Variants in SLC9A1 observed in about 807,000 individuals in gnomAD.
The protein encoded by SLC9A1 is sodium/hydrogen exchanger 1.
Under a neutral mutation model 67.9 loss-of-function variants are expected in SLC9A1, and 22 were observed. The observed-to-expected ratio is 0.32, with a 90% CI of 0.23 to 0.46. The LOEUF (loss-of-function observed/expected upper bound fraction) is 0.46. SLC9A1 is among the 20% of genes least tolerant of loss of function. The probability of loss-of-function intolerance (pLI) is 1.00; values close to 1 mark genes in which losing one functional copy is unlikely to be tolerated. For missense variants in SLC9A1, 686 were observed against 1,094.8 expected (o/e 0.63, Z 5.27); for synonymous variants, 421 against 471.8 (o/e 0.89, Z 1.40).
Position 27,103,211 on chromosome 1 carries a change from G to A in SLC9A1, c.1575+12C>T, listed in dbSNP as rs369119360. The A allele has an allele frequency of 1.6e-5, 25 of 1,597,816 alleles. No individual in the cohort carries two copies. The highest frequency in any genetic ancestry group is 2.2e-5 in the South Asian group (2 of 90,748). On this transcript the variant is annotated intron_variant, in intron 6 of 11. Coordinates refer to ENST00000263980, the MANE Select transcript of SLC9A1 (RefSeq NM_003047.5). The stretch of plus-strand genomic sequence containing the variant: ...CCTTCTGCAACCAAGGGCCCAGCCC[G>A]CACTCCAGTACCTGTGTGTGGATCT...
At chr1:27,127,445 C>T (rs1009131854) in intron 1 of SLC9A1, among the ~76,000 whole-genome samples, 1 of 152,206 alleles carries the variant, frequency 6.6e-6, no homozygotes, top group Non-Finnish European at 1.5e-5. Context: ...TGAGAGAGGT[C>T]CAGACACAGG....
rs1405327786 is a variant in SLC9A1 at position 27,106,030 on chromosome 1, T to G, written c.1340A>C (p.Lys447Thr). 1 of 1,613,472 alleles carries G rather than the reference T, an allele frequency of 6.2e-7. No homozygotes were observed. Among genetic ancestry groups the G allele is most frequent in the African/African-American group, 1.3e-5 (1 of 74,916 alleles). The change falls in exon 5 of 12, where the codon AAG (lysine) becomes ACG (threonine). Residue 447 changes from lysine to threonine, a missense_variant. By Grantham distance (78) the Lys-to-Thr change is moderately conservative (BLOSUM62 -1). This residue lies in a region of SLC9A1 where 168 missense variants were observed against 375.4 expected (regional missense o/e 0.45). Coordinates refer to ENST00000263980, the MANE Select transcript of SLC9A1 (RefSeq NM_003047.5). This position sits in a 1 kb window ranked among gnomAD's most constrained non-coding sequence, Gnocchi z 4.3. Reference sequence around the variant, plus strand: ...CCCATAGGCGATGATGAACTGGTCCTTGGGGGTCAGCTTCACGATACGGAA... The same window carrying G: ...CCCATAGGCGATGATGAACTGGTCCGTGGGGGTCAGCTTCACGATACGGAA... ...NKFRIVKLTPKDQFIIAYGGL... is the reference protein window; with the variant it reads ...NKFRIVKLTPTDQFIIAYGGL...
chr1:27,150,428 A>G (rs1354262861), intron 1 of SLC9A1, among the ~76,000 whole-genome samples: 1 of 152,204 alleles, frequency 6.6e-6, no homozygotes, highest in Non-Finnish European at 1.5e-5. Context: ...AGGAGATGCC[A>G]GTGGTGAGCT....
chr1:27,135,548 C>G (rs961055894), intron 1 of SLC9A1, among the ~76,000 whole-genome samples: 6 of 106,086 alleles, frequency 5.7e-5, no homozygotes, highest in African/African-American at 2.3e-4. Context: ...AAAAAAAAAT[C>G]TGGAGGGAAA....
Position 27,135,577 on chromosome 1 carries a change from C to T in SLC9A1, c.352+18406G>A, listed in dbSNP as rs77491970. On this transcript the variant is annotated intron_variant, in intron 1 of 11. Transcript: ENST00000263980. Reference sequence around the variant, plus strand: ...AGGGAAAATGTTCTGAGCACCTGCTCTCTGAGTCAAAATTCAGTACTAAAC... The same window carrying T: ...AGGGAAAATGTTCTGAGCACCTGCTTTCTGAGTCAAAATTCAGTACTAAAC... Among the ~76,000 whole-genome samples the T allele has an allele frequency of 3.7e-3, 543 of 146,154 alleles. 4 individuals carry two copies. Among genetic ancestry groups the T allele is most frequent in the African/African-American group, 0.013 (511 of 39,492 alleles).
At chr1:27,105,711 G>T (rs773428438) in intron 5 of SLC9A1, 174 bp downstream of exon 5, 2 of 720,330 alleles carry the variant, frequency 2.8e-6, no homozygotes, top group Middle Eastern at 2.3e-4. Flanking sequence ...CTCACTTTAC[G>T]ATTGAAGAAA....
At chr1:27,145,299 C>G (rs2083478618) in intron 1 of SLC9A1, among the ~76,000 whole-genome samples, 1 of 152,204 alleles carries the variant, frequency 6.6e-6, no homozygotes. Flanking sequence ...TCCGCCCAGC[C>G]CTGGCAGGCT....
In SLC9A1 at chr1:27,118,918, A is replaced by G. The variant is rs565627587; in HGVS notation, c.353-4632T>C. On this transcript the variant is annotated intron_variant, in intron 1 of 11. Transcript: ENST00000263980. The surrounding 1 kb of genome is among the most constrained non-coding windows in gnomAD (Gnocchi z 4.3). ...GAGGCACGAAAGTGTGGAATTCAACATCTCCAAGCACAGCCACAGGCCAAA... is the reference window on the plus strand; with the variant it reads ...GAGGCACGAAAGTGTGGAATTCAACGTCTCCAAGCACAGCCACAGGCCAAA... Among the ~76,000 whole-genome samples the G allele has an allele frequency of 6.6e-6, 1 of 152,196 alleles. No homozygotes were observed. Among genetic ancestry groups the G allele is most frequent in the East Asian group, 1.9e-4 (1 of 5,156 alleles).
Position 27,109,820 on chromosome 1 carries a change from T to G in SLC9A1, c.814-43A>C. On this transcript the variant is annotated intron_variant, in intron 2 of 11. Transcript: ENST00000263980. This position sits in a 1 kb window ranked among gnomAD's most constrained non-coding sequence, Gnocchi z 5.5. ...GCTGGTGGGTGGGAGGAGAGGGCCC[T>G]GGCCCCACGGTTCCCTGGGGTCCAC... 6.2e-7 allele frequency: 1 copy of G among 1,607,974 alleles called. No individual in the cohort carries two copies. The highest frequency in any genetic ancestry group is 2.2e-5 in the East Asian group (1 of 44,844).
In SLC9A1 at chr1:27,106,136, G is replaced by A; in HGVS notation, c.1283-49C>T. On this transcript the variant is annotated intron_variant, in intron 4 of 11. Transcript: ENST00000263980. The surrounding 1 kb of genome is among the most constrained non-coding windows in gnomAD (Gnocchi z 4.3). Reference sequence around the variant, plus strand: ...TGAGGGTCAGGTCGGGCTGTCCCCAGTCCCTCCTGGATTCTGCATCAGTGA... The same window carrying A: ...TGAGGGTCAGGTCGGGCTGTCCCCAATCCCTCCTGGATTCTGCATCAGTGA... 2.5e-6 allele frequency: 3 copies of A among 1,223,028 alleles called. No individual in the cohort carries two copies. The highest frequency in any genetic ancestry group is 3.6e-6 in the Non-Finnish European group (3 of 837,976). 75.8% of individuals were successfully genotyped at this position (1,223,028 alleles called of 1,614,324 possible).
chr1:27,120,512 T>G (rs1296522583), intron 1 of SLC9A1, among the ~76,000 whole-genome samples: 3 of 150,682 alleles, frequency 2.0e-5, no homozygotes, highest in Non-Finnish European at 4.4e-5. Context: ...CCGAGGCGGG[T>G]GGATCACCTG....
Position 27,102,663 on chromosome 1 carries a change from T to G in SLC9A1, c.1646+10A>C. ...CCCCTCCCTGCCTGCCCACCAGGCC[T>G]GCCACCTACTTGTCCTTCCAGTGGT... On this transcript the variant is annotated intron_variant, in intron 7 of 11. Transcript: ENST00000263980. 1 of 1,613,460 alleles carries G rather than the reference T, an allele frequency of 6.2e-7. No individual in the cohort carries two copies. Among genetic ancestry groups the G allele is most frequent in the Non-Finnish European group, 8.5e-7 (1 of 1,179,710 alleles).
intron 1 of SLC9A1, among the ~76,000 whole-genome samples, chr1:27,129,552 G>A (rs953548297): frequency 6.6e-6 from 1 of 152,190 alleles, no homozygotes; most frequent in African/African-American, 2.4e-5. Context: ...TCCTGTGGGA[G>A]AAGAGGGGCA....
chr1:27,154,160 C>T lies in SLC9A1; in HGVS notation c.175G>A (p.Asp59Asn), dbSNP rs1570893548. 1 of 1,614,100 alleles carries T rather than the reference C, an allele frequency of 6.2e-7. No homozygotes were observed. Among genetic ancestry groups the T allele is most frequent in the East Asian group, 2.2e-5 (1 of 44,880 alleles). ...SEPPRERSIGDVTTAPPEVTP... is the reference protein window; with the variant it reads ...SEPPRERSIGNVTTAPPEVTP... ...ACCTCCGGTGGAGCGGTGGTGACATCCCCAATCGAGCGTTCTCGTGGTGGC... is the reference window on the plus strand; with the variant it reads ...ACCTCCGGTGGAGCGGTGGTGACATTCCCAATCGAGCGTTCTCGTGGTGGC... Residue 59 changes from aspartate (D) to asparagine (N), a missense_variant, in exon 1 of 12, where the codon GAT becomes AAT. By Grantham distance (23) the Asp-to-Asn change is conservative. Around this residue, in one of 7 missense-constraint regions of SLC9A1, gnomAD observed 143 missense variants for 166.7 expected, o/e 0.86. Transcript: ENST00000263980.
intron 1 of SLC9A1, among the ~76,000 whole-genome samples, chr1:27,126,390 A>G (rs895514195): frequency 2.2e-4 from 34 of 152,312 alleles, no homozygotes; most frequent in Middle Eastern, 3.4e-3. Context: ...TGAGGATTAC[A>G]TGAGACCACA....
At chr1:27,104,360 G>T (rs1412023032) in intron 5 of SLC9A1, among the ~76,000 whole-genome samples, 2 of 152,046 alleles carry the variant, frequency 1.3e-5, no homozygotes, top group African/African-American at 2.4e-5. Context: ...GGGATTACAG[G>T]CATGAGCCAC....
chr1:27,119,627 C>T (rs567857156), intron 1 of SLC9A1, among the ~76,000 whole-genome samples: 1 of 152,346 alleles, frequency 6.6e-6, no homozygotes, highest in East Asian at 1.9e-4. Flanking sequence ...TGGGAAGTCA[C>T]AATTACCATC....
chr1:27,101,620 G>A lies in SLC9A1; in HGVS notation c.2037+105C>T, dbSNP rs1021912745. 1.1e-5 allele frequency: 9 copies of A among 847,576 alleles called. No individual in the cohort carries two copies. The highest frequency in any genetic ancestry group is 5.3e-5 in the East Asian group (2 of 37,726). 52.5% of individuals were successfully genotyped at this position (847,576 alleles called of 1,614,324 possible). ...GCCCTTACACTGCTAAAAGCCCCTC[G>A]AAAGCCAAACCCTGTTCCTAGAATG... On this transcript the variant is annotated intron_variant, in intron 10 of 11. Transcript: ENST00000263980. This position sits in a 1 kb window ranked among gnomAD's most constrained non-coding sequence, Gnocchi z 4.9.
intron 1 of SLC9A1, among the ~76,000 whole-genome samples, chr1:27,119,427 G>C (rs2083291994): frequency 1.3e-5 from 2 of 152,138 alleles, no homozygotes; most frequent in African/African-American, 4.8e-5. Flanking sequence ...GACTGCTCTG[G>C]GGCTGCAACT....
Sources: gnomAD v4.1 joint callset for allele counts (sites outside exome capture counted in the v4.1 genomes callset) on GRCh38, gnomAD v4.1.1 for gene constraint, gnomAD v4.1.1 regional missense constraint, Gnocchi (gnomAD v3.1) non-coding constraint, MANE v1.5 for transcripts, NCBI Gene and HGNC (gene_info 2026-07-23, HGNC 2026-07-21) for gene names.